The following ERBB4 variants were observed in gnomAD, a reference collection of about 807,000 sequenced individuals.
ERBB4 encodes erb-b2 receptor tyrosine kinase 4.
Under a neutral mutation model 158.0 loss-of-function variants are expected in ERBB4, and 42 were observed. The observed-to-expected ratio is 0.27, with a 90% CI of 0.21 to 0.34. ERBB4 has a LOEUF of 0.34. Among genes scored for constraint, ERBB4 ranks in the 10% least tolerant of loss-of-function variants. The pLI is 1.00. For synonymous variants in ERBB4, 583 were observed against 558.7 expected (o/e 1.04, Z -0.61); for missense variants, 1,333 against 1,624.1 (o/e 0.82, Z 3.08).
rs114301409 is a variant in ERBB4, at chr2:212,528,023, C to T, written c.82+10426G>A. Among the ~76,000 whole-genome samples, 5 of 151,670 alleles carry T rather than the reference C, an allele frequency of 3.3e-5. 1 individual carries two copies. Among genetic ancestry groups the T allele is most frequent in the African/African-American group, 1.2e-4 (5 of 41,308 alleles). On this transcript the variant is annotated intron_variant, in intron 1 of 27. Transcript: ENST00000342788. ...CCAAATCTTGCATACGCCCCTGATT[C>T]GAAGTTTTCTCAAGATAAGGCTTAA... is the stretch of plus-strand genomic sequence containing the variant.
chr2:212,380,454 C>CTGTGTG (rs1346650268), intron 1 of ERBB4, among the ~76,000 whole-genome samples: 2 of 101,362 alleles, frequency 2.0e-5, no homozygotes, highest in Middle Eastern at 4.0e-3. Flanking sequence ...TGAGGAATGA[C>CTGTGTG]TCTGTGTGTG....
At chr2:212,260,688 T>C (rs13389250) in intron 1 of ERBB4, among the ~76,000 whole-genome samples, 56,215 of 151,652 alleles carry the variant, frequency 0.37, 11,994 homozygotes, top group African/African-American at 0.56. Context: ...TGGCGGGTGC[T>C]TGCAATCCAA....
intron 3 of ERBB4, among the ~76,000 whole-genome samples, chr2:211,789,133 A>G (rs749912903): frequency 3.3e-5 from 5 of 152,166 alleles, no homozygotes; most frequent in Non-Finnish European, 5.9e-5. Context: ...ATTAGCTACA[A>G]ATACACATAG....
intron 20 of ERBB4, among the ~76,000 whole-genome samples, chr2:211,476,653 C>T (rs2064961829): frequency 6.6e-6 from 1 of 151,366 alleles, no homozygotes; most frequent in East Asian, 1.9e-4. Flanking sequence ...TGGCTGATAA[C>T]CTCCCAAAAA....
At chr2:211,791,863 A>G (rs1487842619) in intron 3 of ERBB4, among the ~76,000 whole-genome samples, 1 of 151,850 alleles carries the variant, frequency 6.6e-6, no homozygotes, top group Non-Finnish European at 1.5e-5. Flanking sequence ...AGATTAATGC[A>G]TGCAAGTTGA....
intron 3 of ERBB4, among the ~76,000 whole-genome samples, chr2:211,940,203 T>A (rs1310140923): frequency 6.6e-6 from 1 of 152,054 alleles, no homozygotes. Flanking sequence ...GAAGCTAATG[T>A]CCTGGGGTAA....
At chr2:211,737,763 T>C (rs2074649784) in intron 5 of ERBB4, among the ~76,000 whole-genome samples, 1 of 152,164 alleles carries the variant, frequency 6.6e-6, no homozygotes, top group South Asian at 2.1e-4. Context: ...TATTGGCTCT[T>C]GGTATTGTTA....
intron 20 of ERBB4, among the ~76,000 whole-genome samples, chr2:211,513,799 G>A (rs6435632): frequency 0.29 from 44,360 of 151,872 alleles, 7,116 homozygotes; most frequent in East Asian, 0.5. Flanking sequence ...ACTAAAACAA[G>A]TGATGAGGAT....
intron 12 of ERBB4, among the ~76,000 whole-genome samples, chr2:211,695,907 C>T (rs1483142400): frequency 6.6e-6 from 1 of 152,068 alleles, no homozygotes; most frequent in Non-Finnish European, 1.5e-5. Flanking sequence ...GTAACAATAT[C>T]TAATACATGT....
Position 211,382,475 on chromosome 2 carries a change from T to A in ERBB4, c.*1140A>T, listed in dbSNP as rs1318517229. ...ATTTGCTGGTTGCTTCCATATTGCT[T>A]GATTCAAAATCCAAAATGGAGTTCA... On this transcript the variant is annotated 3_prime_UTR_variant, in exon 28 of 28. Transcript: ENST00000342788. The A allele has an allele frequency of 8.6e-6, 2 of 232,324 alleles. No homozygotes were observed. The highest frequency in any genetic ancestry group is 1.2e-4 in the East Asian group (2 of 16,418). 14.4% of individuals were successfully genotyped at this position (232,324 alleles called of 1,614,324 possible).
chr2:211,701,031 C>G (rs2106030313), intron 12 of ERBB4, among the ~76,000 whole-genome samples: 1 of 152,182 alleles, frequency 6.6e-6, no homozygotes, highest in African/African-American at 2.4e-5. Flanking sequence ...AACGGAGTAT[C>G]AGTGTATTCG....
intron 19 of ERBB4, among the ~76,000 whole-genome samples, chr2:211,569,511 T>A (rs1239235535): frequency 6.6e-6 from 1 of 152,192 alleles, no homozygotes; most frequent in Non-Finnish European, 1.5e-5. Context: ...TAAGTATTTT[T>A]AAATGAGATT....
At chr2:211,545,787 A>C (rs1418067374) in intron 20 of ERBB4, among the ~76,000 whole-genome samples, 13 of 152,050 alleles carry the variant, frequency 8.5e-5, no homozygotes, top group Non-Finnish European at 1.8e-4. Flanking sequence ...GTAATTATAC[A>C]ATTAGCCTTG....
chr2:212,349,920 AC>A (rs2089180306), intron 1 of ERBB4, among the ~76,000 whole-genome samples: 1 of 152,164 alleles, frequency 6.6e-6, no homozygotes, highest in South Asian at 2.1e-4. Context: ...AAGGCAACTC[AC>A]CATGCTCATC....
rs112346449 is a variant in ERBB4 at position 212,166,463 on chromosome 2, T to G, written c.83-41560A>C. Among the ~76,000 whole-genome samples the G allele has an allele frequency of 4.2e-3, 646 of 152,128 alleles. 2 individuals are homozygous for G. The highest frequency in any genetic ancestry group is 0.015 in the African/African-American group (619 of 41,498). On this transcript the variant is annotated intron_variant, in intron 1 of 27. Transcript: ENST00000342788. ...GACACAAACAAATGGAAAAACATTC[T>G]ATCCTCATGGATAGGAAGAATCGGT...
At chr2:212,307,606 A>G (rs1338062121) in intron 1 of ERBB4, among the ~76,000 whole-genome samples, 1 of 151,014 alleles carries the variant, frequency 6.6e-6, no homozygotes, top group Non-Finnish European at 1.5e-5. Context: ...ATTTATCTAC[A>G]TGAAAAGCAT....
At chr2:212,107,241 C>T (rs1368942025) in intron 2 of ERBB4, among the ~76,000 whole-genome samples, 1 of 152,214 alleles carries the variant, frequency 6.6e-6, no homozygotes, top group Admixed American at 6.5e-5. Flanking sequence ...GGGGGCAGAG[C>T]TGCCCAAGAT....
intron 12 of ERBB4, among the ~76,000 whole-genome samples, chr2:211,700,370 C>A (rs1575009276): frequency 6.6e-6 from 1 of 152,108 alleles, no homozygotes; most frequent in African/African-American, 2.4e-5. Context: ...ATATAACATG[C>A]ATATTTTGAT....
chr2:212,533,243 G>T (rs1220357904), intron 1 of ERBB4, among the ~76,000 whole-genome samples: 1 of 152,118 alleles, frequency 6.6e-6, no homozygotes, highest in African/African-American at 2.4e-5. Context: ...CTTAATATAG[G>T]TATACATGTT....
Sources: gnomAD v4.1 joint callset for allele counts (sites outside exome capture counted in the v4.1 genomes callset) on GRCh38, gnomAD v4.1.1 for gene constraint, MANE v1.5 for transcripts, NCBI Gene and HGNC (gene_info 2026-07-23, HGNC 2026-07-21) for gene names.